Variants in ESAM observed in about 807,000 individuals in gnomAD.
ESAM encodes the protein endothelial cell adhesion molecule, also known as endothelial cell-selective adhesion molecule.
ESAM carries 23 observed loss-of-function variants against 31.8 expected under a neutral mutation model. The ratio of observed to expected loss-of-function variants is 0.72; its 90% CI spans 0.52 to 1.03. The LOEUF (loss-of-function observed/expected upper bound fraction) is 1.03, where lower values mean the gene tolerates loss of function less well. Ranked by LOEUF, ESAM falls within the 50% of genes least tolerant of loss-of-function variation. The probability of loss-of-function intolerance (pLI) is 0.00; values close to 1 mark genes in which losing one functional copy is unlikely to be tolerated. For synonymous variants in ESAM, 216 were observed against 207.2 expected (o/e 1.04, Z -0.37); for missense variants, 478 against 488.9 (o/e 0.98, Z 0.21).
At chr11:124,760,106 G>GGA (rs1321108273) in intron 1 of ESAM, among the ~76,000 whole-genome samples, 1 of 152,236 alleles carries the variant, frequency 6.6e-6, no homozygotes, top group African/African-American at 2.4e-5. Flanking sequence ...AGAAGGTAGA[G>GGA]GAGAGTTAAA....
In ESAM at chr11:124,756,692, C is replaced by G; in HGVS notation, c.300G>C (p.Leu100Phe). The G allele has an allele frequency of 6.2e-7, 1 of 1,614,108 alleles. No homozygotes were observed. Among genetic ancestry groups the G allele is most frequent in the South Asian group, 1.1e-5 (1 of 91,076 alleles). The change falls in exon 3 of 7, where the codon TTG (leucine) becomes TTC (phenylalanine). Residue 100 changes from leucine (L) to phenylalanine (F), a missense_variant. Leu to Phe is a conservative substitution (Grantham distance 22, BLOSUM62 0). Transcript: ENST00000278927. ...GGTTCCGGGAGGGCATGGAGTAGAC[C>G]AAGGATACTCCAGGTTTGCTTGTTG... is the stretch of plus-strand genomic sequence containing the variant. ...GVTTSKPGVS[L>F]VYSMPSRNLS...
intron 1 of ESAM, among the ~76,000 whole-genome samples, 173 bp from the exon 2 acceptor site, chr11:124,758,700 G>C (rs958196358): frequency 6.6e-6 from 1 of 152,214 alleles, no homozygotes; most frequent in Non-Finnish European, 1.5e-5. Context: ...CACTGGCTCA[G>C]TGTCCTGCTT....
chr11:124,755,053 G>A (rs1044708304), intron 4 of ESAM, among the ~76,000 whole-genome samples: 9 of 152,092 alleles, frequency 5.9e-5, no homozygotes, highest in East Asian at 5.8e-4. Context: ...CTTTTATTTC[G>A]GCAAGACAGT....
Position 124,754,059 on chromosome 11 carries a change from C to T in ESAM, c.858-98G>A. ...CTTATATACCACCTCTGCCTGCACACTTCAGTACTCCTTTCCCTCTCCCTT... is the reference window on the plus strand; with the variant it reads ...CTTATATACCACCTCTGCCTGCACATTTCAGTACTCCTTTCCCTCTCCCTT... On this transcript the variant is annotated intron_variant, in intron 6 of 6. Coordinates refer to ENST00000278927, the MANE Select transcript of ESAM (RefSeq NM_138961.3). This position sits in a 1 kb window ranked among gnomAD's most constrained non-coding sequence, Gnocchi z 4.5. 1.3e-6 allele frequency: 2 copies of T among 1,553,370 alleles called. No homozygotes were observed. Among genetic ancestry groups the T allele is most frequent in the East Asian group, 2.2e-5 (1 of 44,532 alleles).
Position 124,753,823 on chromosome 11 carries a change from G to T in ESAM, c.996C>A (p.Thr332=). 1 of 1,613,608 alleles carries T rather than the reference G, an allele frequency of 6.2e-7. No individual in the cohort carries two copies. The highest frequency in any genetic ancestry group is 8.5e-7 in the Non-Finnish European group (1 of 1,179,768). ...CCTGGCTGGAGAGACTGGGCGTGGG[G>T]GTCAATGCACCAGGCCTGGGAGGGC... The part of the protein sequence containing the change: ...PHGPPRPGAL[T]PTPSLSSQAL... Residue 332 remains threonine, a synonymous_variant, in exon 7 of 7, where the codon ACC becomes ACA. Coordinates refer to ENST00000278927, the MANE Select transcript of ESAM (RefSeq NM_138961.3).
chr11:124,760,792 C>T (rs1176570827), intron 1 of ESAM, among the ~76,000 whole-genome samples: 3 of 152,126 alleles, frequency 2.0e-5, no homozygotes, highest in Non-Finnish European at 4.4e-5. Flanking sequence ...TCCCTGGCTT[C>T]AGAGATTCCC....
intron 4 of ESAM, 151 bp downstream of exon 4, chr11:124,756,056 A>T: frequency 1.9e-6 from 2 of 1,060,788 alleles, no homozygotes; most frequent in Admixed American, 2.2e-5. Flanking sequence ...CTGGCAGGGC[A>T]TCTTTCTCTG....
In ESAM at chr11:124,754,225, G is replaced by A; in HGVS notation, c.846C>T (p.Ala282=). The A allele has an allele frequency of 6.2e-7, 1 of 1,613,850 alleles. No homozygotes were observed. Among genetic ancestry groups the A allele is most frequent in the South Asian group, 1.1e-5 (1 of 91,058 alleles). ...CCAGGGACACTTACTTGATATCATT[G>A]GCTGGCTCCTCCAGGGCCTTGCCCC... is the stretch of plus-strand genomic sequence containing the variant. ...HRRGKALEEP[A]NDIKEDAIAP... The change falls in exon 6 of 7, where the codon GCC becomes GCT. Residue 282 remains alanine, a synonymous_variant. Coordinates refer to ENST00000278927, the MANE Select transcript of ESAM (RefSeq NM_138961.3). The surrounding 1 kb of genome is among the most constrained non-coding windows in gnomAD (Gnocchi z 4.5).
At chr11:124,760,421 T>C (rs2134463444) in intron 1 of ESAM, among the ~76,000 whole-genome samples, 1 of 152,260 alleles carries the variant, frequency 6.6e-6, no homozygotes, top group South Asian at 2.1e-4. Flanking sequence ...GAGAGCGAAA[T>C]GGGCCCGCTC....
At chr11:124,756,950 C>A in intron 2 of ESAM, 1 of 584,338 alleles carries the variant, frequency 1.7e-6, no homozygotes, top group Non-Finnish European at 3.1e-6. Context: ...GTTCTTCGTT[C>A]CTGCGCATTG....
In ESAM at chr11:124,759,988, A is replaced by G. The variant is rs1944208223; in HGVS notation, c.71-1461T>C. On this transcript the variant is annotated intron_variant, in intron 1 of 6. Coordinates refer to ENST00000278927, the MANE Select transcript of ESAM (RefSeq NM_138961.3). The surrounding 1 kb of genome is among the most constrained non-coding windows in gnomAD (Gnocchi z 6.8). ...TACGACACACACCCGGCGGCCAGAA[A>G]GGGTTTCCGCCGGGAAACTGCCTGG... is the stretch of plus-strand genomic sequence containing the variant. 6.6e-6 allele frequency among the ~76,000 whole-genome samples: 1 copy of G among 152,240 alleles called. No homozygotes were observed. Among genetic ancestry groups the G allele is most frequent in the African/African-American group, 2.4e-5 (1 of 41,472 alleles).
chr11:124,753,818 G>T lies in ESAM; in HGVS notation c.1001C>A (p.Thr334Lys). 3 of 1,613,554 alleles carry T rather than the reference G, an allele frequency of 1.9e-6. No homozygotes were observed. The highest frequency in any genetic ancestry group is 2.5e-6 in the Non-Finnish European group (3 of 1,179,712). Residue 334 changes from threonine (T) to lysine (K), a missense_variant, in exon 7 of 7, where the codon ACG becomes AAG. Transcript: ENST00000278927. ...GPPRPGALTP[T>K]PSLSSQALPS... ...CAGGGCCTGGCTGGAGAGACTGGGC[G>T]TGGGGGTCAATGCACCAGGCCTGGG...
chr11:124,753,838 C>T lies in ESAM; in HGVS notation c.981G>A (p.Arg327=). The T allele has an allele frequency of 3.7e-6, 6 of 1,613,374 alleles. No individual in the cohort carries two copies. Among genetic ancestry groups the T allele is most frequent in the Non-Finnish European group, 5.1e-6 (6 of 1,179,664 alleles). The change falls in exon 7 of 7, where the codon AGG becomes AGA. Residue 327 remains arginine (R), a synonymous_variant. Transcript: ENST00000278927. ...RALRPPHGPP[R]PGALTPTPSL... is the part of the protein sequence containing the mutation. ...TGGGCGTGGGGGTCAATGCACCAGG[C>T]CTGGGAGGGCCATGGGGTGGCCGGA... is the stretch of plus-strand genomic sequence containing the variant.
chr11:124,758,617 G>GAAAGTCGCTTT (rs1944186892), intron 1 of ESAM, 90 bp from the exon 2 acceptor site: 2 of 1,398,454 alleles, frequency 1.4e-6, no homozygotes, highest in Non-Finnish European at 1.9e-6. Flanking sequence ...AGAGAGCGAG[G>GAAAGTCGCTTT]AAAGTCGCTT....
intron 2 of ESAM, among the ~76,000 whole-genome samples, chr11:124,757,736 C>G (rs933347410): frequency 6.9e-6 from 1 of 144,310 alleles, no homozygotes; most frequent in Admixed American, 7.0e-5. Context: ...CTTACTCCGT[C>G]GCCCAGGCTG....
Position 124,754,086 on chromosome 11 carries a change from A to T in ESAM, c.858-125T>A. ...TCAGTACTCCTTTCCCTCTCCCTTA[A>T]AACCTGCCCATAGGAATGATGTTTC... On this transcript the variant is annotated intron_variant, in intron 6 of 6. Transcript: ENST00000278927. This position sits in a 1 kb window ranked among gnomAD's most constrained non-coding sequence, Gnocchi z 4.5. The T allele has an allele frequency of 6.4e-7, 1 of 1,553,434 alleles. No homozygotes were observed. The highest frequency in any genetic ancestry group is 8.7e-7 in the Non-Finnish European group (1 of 1,146,556).
At chr11:124,756,452 C>A (rs1401699686) in intron 3 of ESAM, 89 bp downstream of exon 3, 7 of 1,583,652 alleles carry the variant, frequency 4.4e-6, no homozygotes, top group Non-Finnish European at 5.2e-6. Flanking sequence ...TTCATTTGTT[C>A]CTCCTCCAAC....
chr11:124,758,272 C>T lies in ESAM; in HGVS notation c.249+77G>A, dbSNP rs547781736. The T allele has an allele frequency of 1.9e-6, 3 of 1,571,736 alleles. No homozygotes were observed. The East Asian group carries it at 6.7e-5, about 35-fold the overall frequency. On this transcript the variant is annotated intron_variant, in intron 2 of 6. Coordinates refer to ENST00000278927, the MANE Select transcript of ESAM (RefSeq NM_138961.3). ...CGGCCCCCATTCCCTCTCCACCCCT[C>T]CCACCGCTACCAGCTCTTTGCTTAC...
intron 4 of ESAM, among the ~76,000 whole-genome samples, chr11:124,755,764 C>T (rs1220863158): frequency 2.0e-5 from 3 of 152,136 alleles, no homozygotes; most frequent in African/African-American, 7.2e-5. Context: ...CATTGCCACG[C>T]CTAGGAAATT....
Sources: allele counts gnomAD v4.1 joint callset (sites outside exome capture counted in the v4.1 genomes callset), GRCh38; gene constraint gnomAD v4.1.1; non-coding constraint Gnocchi (gnomAD v3.1); transcripts MANE v1.5; gene names NCBI Gene and HGNC (gene_info 2026-07-23, HGNC 2026-07-21).